The following PDE4D variants were observed in gnomAD, a reference collection of about 807,000 sequenced individuals.
PDE4D encodes phosphodiesterase 4D.
Under a neutral mutation model 87.4 loss-of-function variants are expected in PDE4D, and 24 were observed. The ratio of observed to expected loss-of-function variants is 0.27; its 90% CI spans 0.20 to 0.39. The LOEUF (loss-of-function observed/expected upper bound fraction) is 0.39. Among genes scored for constraint, PDE4D ranks in the 10% least tolerant of loss-of-function variants. The pLI, the probability that PDE4D is intolerant of heterozygous loss-of-function variation, is 1.00. For missense variants in PDE4D, 714 were observed against 1,041.0 expected, an observed-to-expected ratio of 0.69 and a Z score of 4.32; for synonymous variants, 384 against 383.2, an observed-to-expected ratio of 1.00 and a Z score of -0.02.
intron 6 of PDE4D, among the ~76,000 whole-genome samples, chr5:58,997,294 T>G (rs563578092): frequency 1.3e-5 from 2 of 152,108 alleles, no homozygotes; most frequent in African/African-American, 4.8e-5. Context: ...AAATTGGTTT[T>G]GGAGTGCATA....
intron 2 of PDE4D, among the ~76,000 whole-genome samples, chr5:60,039,011 T>C (rs1447370266): frequency 6.6e-6 from 1 of 150,920 alleles, no homozygotes; most frequent in South Asian, 2.1e-4. Context: ...AGTTCAACCA[T>C]TGTGGAAGTC....
At chr5:59,644,749 G>A (rs1043195671) in intron 1 of PDE4D, among the ~76,000 whole-genome samples, 1 of 152,130 alleles carries the variant, frequency 6.6e-6, no homozygotes, top group Non-Finnish European at 1.5e-5. Flanking sequence ...CAGATTCTCA[G>A]CTTCTCGAGG....
At chr5:59,109,387 G>A (rs1772222754) in intron 5 of PDE4D, among the ~76,000 whole-genome samples, 1 of 152,194 alleles carries the variant, frequency 6.6e-6, no homozygotes, top group Non-Finnish European at 1.5e-5. Flanking sequence ...AAGTATGGGT[G>A]CTATAAGAAG....
At chr5:60,478,285 T>C (rs756675917) in intron 1 of PDE4D, among the ~76,000 whole-genome samples, 2 of 152,176 alleles carry the variant, frequency 1.3e-5, no homozygotes, top group African/African-American at 4.8e-5. Flanking sequence ...AGCTGAACCG[T>C]TAGCATCCCC....
chr5:60,345,894 A>G (rs1346567488), intron 1 of PDE4D, among the ~76,000 whole-genome samples: 1 of 152,162 alleles, frequency 6.6e-6, no homozygotes, highest in Admixed American at 6.6e-5. Context: ...GTTTTCCAGA[A>G]TAATCCAAAT....
chr5:60,446,219 T>C (rs940246118), intron 1 of PDE4D, among the ~76,000 whole-genome samples: 5 of 152,210 alleles, frequency 3.3e-5, no homozygotes, highest in Admixed American at 2.6e-4. Flanking sequence ...AAAAACTTTC[T>C]GGAGAGCAAT....
chr5:59,736,683 AAAAAAG>A (rs1445932853), intron 1 of PDE4D, among the ~76,000 whole-genome samples: 1 of 152,130 alleles, frequency 6.6e-6, no homozygotes, highest in Non-Finnish European at 1.5e-5. Flanking sequence ...TGTCTCAAAA[AAAAAAG>A]AAAAAGAAAA....
intron 1 of PDE4D, among the ~76,000 whole-genome samples, chr5:59,826,404 T>A (rs774061578): frequency 3.3e-5 from 5 of 152,170 alleles, no homozygotes; most frequent in Non-Finnish European, 5.9e-5. Context: ...CTTCTGAAGA[T>A]CTCCAAGTTG....
At chr5:59,468,480 T>C (rs1286230873) in intron 1 of PDE4D, among the ~76,000 whole-genome samples, 2 of 152,142 alleles carry the variant, frequency 1.3e-5, no homozygotes, top group Non-Finnish European at 1.5e-5. Context: ...AGTATATTCA[T>C]GGAGATGCTT....
At chr5:59,037,385 T>C (rs1758709267) in intron 6 of PDE4D, among the ~76,000 whole-genome samples, 1 of 152,210 alleles carries the variant, frequency 6.6e-6, no homozygotes, top group Non-Finnish European at 1.5e-5. Flanking sequence ...AGTGCTCCCA[T>C]TTAGCAGTTA....
intron 1 of PDE4D, among the ~76,000 whole-genome samples, chr5:59,464,117 T>C (rs1226149384): frequency 6.6e-6 from 1 of 152,132 alleles, no homozygotes. Flanking sequence ...GAAAGCCAGG[T>C]ATTGTTCAAG....
chr5:60,461,123 T>C (rs1284698760), intron 1 of PDE4D, among the ~76,000 whole-genome samples: 1 of 152,126 alleles, frequency 6.6e-6, no homozygotes, highest in African/African-American at 2.4e-5. Flanking sequence ...GGAGAATGAG[T>C]GCTCTCAAAA....
At chr5:59,569,157 C>T (rs148121088) in intron 1 of PDE4D, among the ~76,000 whole-genome samples, 1 of 152,206 alleles carries the variant, frequency 6.6e-6, no homozygotes, top group African/African-American at 2.4e-5. Flanking sequence ...ATTTTCTAAC[C>T]CAAAATACAA....
At chr5:59,447,835 T>C (rs558196638) in intron 1 of PDE4D, among the ~76,000 whole-genome samples, 31 of 152,234 alleles carry the variant, frequency 2.0e-4, no homozygotes, top group Admixed American at 5.2e-4. Flanking sequence ...AAGAGATCTG[T>C]GGCATTTCTA....
chr5:59,037,415 C>T (rs1758716529), intron 6 of PDE4D, among the ~76,000 whole-genome samples: 1 of 152,150 alleles, frequency 6.6e-6, no homozygotes. Context: ...ACATATTCAG[C>T]ATATGTCTAC....
intron 1 of PDE4D, among the ~76,000 whole-genome samples, chr5:60,375,968 G>C (rs1761399928): frequency 6.6e-6 from 1 of 152,162 alleles, no homozygotes; most frequent in South Asian, 2.1e-4. Flanking sequence ...GAACCTGGGA[G>C]GCGGAGGTTG....
chr5:59,604,720 G>A (rs1400790371), intron 1 of PDE4D, among the ~76,000 whole-genome samples: 8 of 151,948 alleles, frequency 5.3e-5, no homozygotes, highest in Non-Finnish European at 1.2e-4. Context: ...GAGGTATTTT[G>A]CCTATCACAT....
At chr5:60,167,418 G>A (rs1419748033) in intron 2 of PDE4D, among the ~76,000 whole-genome samples, 4 of 151,302 alleles carry the variant, frequency 2.6e-5, no homozygotes, top group Admixed American at 6.6e-5. Context: ...ACAGGCGCCC[G>A]CCACCTCGCC....
At position 58,977,305 on chromosome 5, in the gene PDE4D, T is replaced by C. The variant is rs1561216374; in HGVS notation, c.1593A>G (p.Leu531=). Residue 531 remains leucine (L), a synonymous_variant, in exon 12 of 15, where the codon TTA becomes TTG. Coordinates refer to ENST00000340635, the MANE Select transcript of PDE4D (RefSeq NM_001104631.2). ...LALMYNDSSV[L]ENHHLAVGFK... is the part of the protein sequence containing the mutation. The stretch of plus-strand genomic sequence containing the variant: ...AGCCCACAGCCAAATGATGGTTCTC[T>C]AAGACTGAGGAATCATTGTACATCA... 3.7e-6 allele frequency: 6 copies of C among 1,612,416 alleles called. No homozygotes were observed. Among genetic ancestry groups the C allele is most frequent in the Non-Finnish European group, 4.2e-6 (5 of 1,179,342 alleles).
Sources: allele counts gnomAD v4.1 joint callset (sites outside exome capture counted in the v4.1 genomes callset), GRCh38; gene constraint gnomAD v4.1.1; transcripts MANE v1.5; gene names NCBI Gene and HGNC (gene_info 2026-07-23, HGNC 2026-07-21).